The following KIAA0825 variants were observed in gnomAD, a reference collection of about 807,000 sequenced individuals.
The protein encoded by KIAA0825 is KIAA0825.
A neutral mutation model predicts 147.6 loss-of-function variants in KIAA0825; 119 were observed. The ratio of observed to expected loss-of-function variants is 0.81; its 90% CI spans 0.69 to 0.94. KIAA0825 has a LOEUF of 0.94. Among genes scored for constraint, KIAA0825 ranks in the 40% least tolerant of loss-of-function variants. KIAA0825 has a pLI of 0.00. For synonymous variants in KIAA0825, 470 were observed against 518.1 expected, an observed-to-expected ratio of 0.91 and a Z score of 1.26; for missense variants, 1,381 against 1,472.7, an observed-to-expected ratio of 0.94 and a Z score of 1.02.
chr5:94,345,964 AG>A (rs1360349195), intron 20 of KIAA0825, among the ~76,000 whole-genome samples: 5 of 152,168 alleles, frequency 3.3e-5, no homozygotes. Flanking sequence ...AGAACAGAAC[AG>A]GGCAGGGATT....
At position 94,586,934 on chromosome 5, in the gene KIAA0825, A is replaced by G. The variant is rs182229682; in HGVS notation, c.-152-4351T>C. Among the ~76,000 whole-genome samples the G allele has an allele frequency of 2.8e-3, 433 of 152,342 alleles. 5 individuals are homozygous for G. The highest frequency in any genetic ancestry group is 1.0e-2 in the African/African-American group (415 of 41,598). On this transcript the variant is annotated intron_variant, in intron 1 of 20. Coordinates refer to ENST00000682413, the MANE Select transcript of KIAA0825 (RefSeq NM_001145678.3). ...ATCCATCACAGAAACAGAACCAATG[A>G]CAAAAACCACATGATTATCTCAATA...
intron 1 of KIAA0825, among the ~76,000 whole-genome samples, chr5:94,617,188 G>C (rs1355103711): frequency 6.6e-6 from 1 of 152,126 alleles, no homozygotes; most frequent in Non-Finnish European, 1.5e-5. Context: ...AATTCAAAGA[G>C]AGAAATCACT....
intron 15 of KIAA0825, chr5:94,414,270 G>A (rs761889958): frequency 6.6e-6 from 1 of 152,064 alleles, no homozygotes; most frequent in African/African-American, 2.4e-5. Context: ...TATTAGATGG[G>A]CATTTTTGAC....
At chr5:94,458,348 A>G (rs1465102612) in intron 12 of KIAA0825, among the ~76,000 whole-genome samples, 2 of 152,222 alleles carry the variant, frequency 1.3e-5, no homozygotes, top group African/African-American at 4.8e-5. Context: ...AAGGATGAAT[A>G]AAAGGTATTA....
intron 20 of KIAA0825, among the ~76,000 whole-genome samples, chr5:94,282,713 T>C (rs928085131): frequency 2.0e-5 from 3 of 152,098 alleles, no homozygotes; most frequent in Non-Finnish European, 2.9e-5. Context: ...TGCTGGTTAC[T>C]TAACAAAATA....
chr5:94,273,140 G>C (rs1173147133), intron 20 of KIAA0825, among the ~76,000 whole-genome samples: 1 of 152,072 alleles, frequency 6.6e-6, no homozygotes, highest in Non-Finnish European at 1.5e-5. Context: ...TCTTTGCTCA[G>C]TTTCTGCATC....
intron 1 of KIAA0825, among the ~76,000 whole-genome samples, chr5:94,595,434 C>A (rs1441452430): frequency 6.6e-6 from 1 of 152,190 alleles, no homozygotes; most frequent in Non-Finnish European, 1.5e-5. Flanking sequence ...AGCTGGCATA[C>A]AGGGCACCAA....
chr5:94,569,215 G>T, intron 2 of KIAA0825: 1 of 226,240 alleles, frequency 4.4e-6, no homozygotes, highest in South Asian at 1.7e-4. Context: ...CTCAATCCCT[G>T]ACCCCCATGC....
chr5:94,522,742 T>TA (rs1484202278), intron 4 of KIAA0825, among the ~76,000 whole-genome samples: 4 of 151,756 alleles, frequency 2.6e-5, no homozygotes, highest in Non-Finnish European at 4.4e-5. Flanking sequence ...ATCAATTATG[T>TA]AAAAAAACCT....
At chr5:94,260,818 A>G (rs1003643246) in intron 20 of KIAA0825, among the ~76,000 whole-genome samples, 3 of 152,288 alleles carry the variant, frequency 2.0e-5, no homozygotes, top group African/African-American at 7.2e-5. Context: ...GCAAGTGGCA[A>G]TTTTGCAAAG....
chr5:94,499,592 G>T (rs532471345), intron 5 of KIAA0825, among the ~76,000 whole-genome samples: 6 of 148,194 alleles, frequency 4.0e-5, no homozygotes, highest in Admixed American at 2.0e-4. Flanking sequence ...ATCTGGGGGG[G>T]GGGGGGGACC....
intron 20 of KIAA0825, among the ~76,000 whole-genome samples, chr5:94,272,232 G>T (rs1197177095): frequency 6.6e-6 from 1 of 151,644 alleles, no homozygotes; most frequent in African/African-American, 2.4e-5. Context: ...TGGTTAATGG[G>T]CACAAAAATA....
At chr5:94,558,863 T>C (rs1256446970) in intron 2 of KIAA0825, among the ~76,000 whole-genome samples, 1 of 152,200 alleles carries the variant, frequency 6.6e-6, no homozygotes, top group Non-Finnish European at 1.5e-5. Flanking sequence ...AATGTCCTTA[T>C]CTCTGAAGAC....
At chr5:94,173,654 A>G (rs1768837464) in intron 20 of KIAA0825, among the ~76,000 whole-genome samples, 1 of 152,166 alleles carries the variant, frequency 6.6e-6, no homozygotes, top group South Asian at 2.1e-4. Context: ...ATTGGTTACA[A>G]AGGAGTCATC....
chr5:94,483,499 A>T (rs928553839), intron 6 of KIAA0825, among the ~76,000 whole-genome samples: 1 of 151,658 alleles, frequency 6.6e-6, no homozygotes, highest in East Asian at 1.9e-4. Flanking sequence ...CCTCTGTTTG[A>T]CCTCACAGTC....
chr5:94,394,099 GCCTT>G (rs1750302186), intron 17 of KIAA0825, among the ~76,000 whole-genome samples: 2 of 151,918 alleles, frequency 1.3e-5, no homozygotes, highest in Non-Finnish European at 2.9e-5. Context: ...TGATCCGCCT[GCCTT>G]AGCCTCCCAA....
intron 14 of KIAA0825, among the ~76,000 whole-genome samples, chr5:94,434,349 A>C (rs371232498): frequency 6.6e-6 from 1 of 152,200 alleles, no homozygotes; most frequent in African/African-American, 2.4e-5. Context: ...AATCCTTACC[A>C]TTCACTTATT....
intron 12 of KIAA0825, among the ~76,000 whole-genome samples, chr5:94,453,299 AG>A (rs1758654587): frequency 6.7e-6 from 1 of 149,728 alleles, no homozygotes; most frequent in Non-Finnish European, 1.5e-5. Flanking sequence ...CAGCCTCCCT[AG>A]TAGCTGGGGT....
intron 20 of KIAA0825, among the ~76,000 whole-genome samples, chr5:94,176,360 AC>A (rs1769103029): frequency 6.6e-6 from 1 of 152,050 alleles, no homozygotes; most frequent in Non-Finnish European, 1.5e-5. Flanking sequence ...CCAATCTTAA[AC>A]CTTCTAGCAA....
Sources: gnomAD v4.1 joint callset for allele counts (sites outside exome capture counted in the v4.1 genomes callset) on GRCh38, gnomAD v4.1.1 for gene constraint, MANE v1.5 for transcripts, NCBI Gene and HGNC (gene_info 2026-07-23, HGNC 2026-07-21) for gene names.